Variants in PDE8B observed in about 807,000 individuals in gnomAD.
The protein encoded by PDE8B is phosphodiesterase 8B, also known as high affinity cAMP-specific and IBMX-insensitive 3',5'-cyclic phosphodiesterase 8B.
In PDE8B, 26 loss-of-function variants were observed where a neutral mutation model predicts 101.3. The ratio of observed to expected loss-of-function variants is 0.26; its 90% CI spans 0.19 to 0.36. The LOEUF (loss-of-function observed/expected upper bound fraction) is 0.36. Ranked by LOEUF, PDE8B falls within the 10% of genes least tolerant of loss-of-function variation. PDE8B has a pLI of 1.00. For missense variants in PDE8B, 810 were observed against 1,163.1 expected, an observed-to-expected ratio of 0.70 and a Z score of 4.42; for synonymous variants, 424 against 429.3, an observed-to-expected ratio of 0.99 and a Z score of 0.15.
intron 7 of PDE8B, among the ~76,000 whole-genome samples, chr5:77,346,858 A>C (rs1780234037): frequency 6.6e-6 from 1 of 152,224 alleles, no homozygotes; most frequent in African/African-American, 2.4e-5. Flanking sequence ...TGGTGAAATT[A>C]CCTATGTGCT....
At chr5:77,380,070 A>T (rs1397003555) in intron 10 of PDE8B, among the ~76,000 whole-genome samples, 1 of 152,242 alleles carries the variant, frequency 6.6e-6, no homozygotes, top group Non-Finnish European at 1.5e-5. Flanking sequence ...TTAAGTGAAT[A>T]GTACTTTTGT....
intron 4 of PDE8B, 51 bp from the exon 5 acceptor site, chr5:77,331,351 G>A: frequency 6.6e-7 from 1 of 1,504,072 alleles, no homozygotes; most frequent in Non-Finnish European, 9.3e-7. Flanking sequence ...TTCAGTGTGA[G>A]GAATCCTGGT....
At chr5:77,148,360 T>C in the PDE8B span, 7 of 152,248 alleles carry the variant, frequency 4.6e-5, no homozygotes, top group Admixed American at 4.6e-4. Flanking sequence ...CAGTTTTGTG[T>C]GGACATGCTT....
chr5:77,410,244 G>T (rs1794282917), intron 14 of PDE8B, among the ~76,000 whole-genome samples: 1 of 152,244 alleles, frequency 6.6e-6, no homozygotes, highest in Non-Finnish European at 1.5e-5. Flanking sequence ...CCCATGGGCA[G>T]TGTGCCCCTG....
At chr5:77,090,994 T>C in the PDE8B span, among the ~76,000 whole-genome samples, 2 of 152,262 alleles carry the variant, frequency 1.3e-5, no homozygotes. Flanking sequence ...CTCTCTATAC[T>C]ATTTTCAATA....
the PDE8B span, among the ~76,000 whole-genome samples, chr5:77,165,068 A>G: frequency 2.0e-5 from 3 of 152,324 alleles, no homozygotes; most frequent in South Asian, 6.2e-4. Context: ...AAATGCTCCC[A>G]CCATGTCTGA....
intron 10 of PDE8B, among the ~76,000 whole-genome samples, chr5:77,390,385 C>T (rs138677900): frequency 6.6e-5 from 10 of 152,348 alleles, no homozygotes; most frequent in South Asian, 2.1e-4. Flanking sequence ...ATCCCAGCTT[C>T]GAGCTCTGGC....
intron 7 of PDE8B, 93 bp from the exon 8 acceptor site, chr5:77,349,326 G>C: frequency 6.5e-7 from 1 of 1,527,844 alleles, no homozygotes; most frequent in Non-Finnish European, 9.1e-7. Flanking sequence ...ATATTCCTCT[G>C]GGTCCCAACA....
At chr5:77,229,336 T>C (rs767796895) in intron 1 of PDE8B, among the ~76,000 whole-genome samples, 13 of 152,228 alleles carry the variant, frequency 8.5e-5, no homozygotes, top group Non-Finnish European at 1.6e-4. Context: ...TCACTAGTTC[T>C]ATCCAGTGCT....
At chr5:77,124,075 TA>T in the PDE8B span, among the ~76,000 whole-genome samples, 50 of 152,230 alleles carry the variant, frequency 3.3e-4, no homozygotes, top group African/African-American at 9.9e-4. Flanking sequence ...AATCTGCAAG[TA>T]AAAGTCCAAC....
chr5:77,116,224 A>ATATATATTTTTTTTT, the PDE8B span, among the ~76,000 whole-genome samples: 4 of 59,606 alleles, frequency 6.7e-5, no homozygotes, highest in African/African-American at 2.9e-4. Flanking sequence ...ATATATATAT[A>ATATATATTTTTTTTT]TTTTTTTTTT....
intron 11 of PDE8B, among the ~76,000 whole-genome samples, chr5:77,404,075 C>T (rs755623286): frequency 2.6e-5 from 4 of 152,278 alleles, no homozygotes; most frequent in Middle Eastern, 3.4e-3. Context: ...GCAACCTCTG[C>T]GTGCTGGGTT....
rs181686948 is a variant in PDE8B, at chr5:77,240,886, T to C, written c.339+29622T>C. On this transcript the variant is annotated intron_variant, in intron 1 of 21. Transcript: ENST00000264917. ...GAGGGATAAAATGTTGAATTAACCT[T>C]TTGAATAATACGTAGTTGCAACTAA... Among the ~76,000 whole-genome samples, 4 of 152,352 alleles carry C rather than the reference T, an allele frequency of 2.6e-5. No homozygotes were observed. The East Asian group carries it at 7.7e-4, about 29-fold the overall frequency.
chr5:77,147,133 A>T, the PDE8B span: 8 of 274,592 alleles, frequency 2.9e-5, no homozygotes, highest in South Asian at 2.4e-4. Flanking sequence ...AAGAAGAGGA[A>T]GATGAAGATG....
the PDE8B span, among the ~76,000 whole-genome samples, chr5:77,161,552 A>G: frequency 6.6e-6 from 1 of 152,144 alleles, no homozygotes; most frequent in Non-Finnish European, 1.5e-5. Context: ...TAAGGCTGAT[A>G]TGGACTTCTG....
At chr5:77,291,009 A>G (rs1325620893) in intron 1 of PDE8B, 2 of 1,612,036 alleles carry the variant, frequency 1.2e-6, no homozygotes, top group African/African-American at 1.3e-5. Context: ...CACCGGGAGC[A>G]CTCAGGTGGG....
the PDE8B span, among the ~76,000 whole-genome samples, chr5:77,117,109 C>T: frequency 3.1e-3 from 468 of 152,324 alleles, no homozygotes; most frequent in African/African-American, 0.011. Context: ...AGAAATCACC[C>T]TTCATCTAGA....
chr5:77,426,838 G>T lies in PDE8B; in HGVS notation c.*284G>T. On this transcript the variant is annotated 3_prime_UTR_variant, in exon 22 of 22. Coordinates refer to ENST00000264917, the MANE Select transcript of PDE8B (RefSeq NM_003719.5). ...GTACCCTTGTCAATCCATGGAGCTG[G>T]TTCACTGTAACTAGCAGGCCACAGG... 1 of 391,266 alleles carries T rather than the reference G, an allele frequency of 2.6e-6. No homozygotes were observed. The highest frequency in any genetic ancestry group is 4.8e-6 in the Non-Finnish European group (1 of 206,222). 24.2% of individuals were successfully genotyped at this position (391,266 alleles called of 1,614,324 possible).
intron 1 of PDE8B, among the ~76,000 whole-genome samples, chr5:77,243,685 A>G (rs985043859): frequency 7.9e-5 from 12 of 152,144 alleles, no homozygotes; most frequent in African/African-American, 2.7e-4. Flanking sequence ...AGTTGGTTCC[A>G]TTTTATTGCT....
Sources: gnomAD v4.1 joint callset for allele counts (sites outside exome capture counted in the v4.1 genomes callset) on GRCh38, gnomAD v4.1.1 for gene constraint, MANE v1.5 for transcripts, NCBI Gene and HGNC (gene_info 2026-07-23, HGNC 2026-07-21) for gene names.